The following PDE12 variants were observed in gnomAD, a reference collection of about 807,000 sequenced individuals.
The protein encoded by PDE12 is phosphodiesterase 12, also known as 2',5'-phosphodiesterase 12.
PDE12 carries 26 observed loss-of-function variants against 45.4 expected under a neutral mutation model. The ratio of observed to expected loss-of-function variants is 0.57; its 90% CI spans 0.42 to 0.79. The LOEUF is 0.79. PDE12 is among the 30% of genes least tolerant of loss of function. The probability of loss-of-function intolerance (pLI) is 0.00; values close to 1 mark genes in which losing one functional copy is unlikely to be tolerated. For missense variants in PDE12, 668 were observed against 790.0 expected (o/e 0.85, Z 1.85); for synonymous variants, 283 against 323.9 (o/e 0.87, Z 1.36).
the PDE12 span, among the ~76,000 whole-genome samples, chr3:57,606,628 CAT>C: frequency 6.6e-6 from 1 of 151,878 alleles, no homozygotes; most frequent in South Asian, 2.1e-4. Context: ...ACAAAAATAA[CAT>C]ACTGTGAGAT....
chr3:57,647,881 G>A, the PDE12 span, among the ~76,000 whole-genome samples: 2 of 151,968 alleles, frequency 1.3e-5, no homozygotes, highest in Admixed American at 1.3e-4. Context: ...AATCCAACAA[G>A]AAGAATCAGA....
chr3:57,582,015 T>C, the PDE12 span, among the ~76,000 whole-genome samples: 3 of 152,200 alleles, frequency 2.0e-5, no homozygotes, highest in Non-Finnish European at 4.4e-5. Context: ...CCCTGGAGTA[T>C]ATCGGATTTT....
the PDE12 span, among the ~76,000 whole-genome samples, chr3:57,589,691 CT>C: frequency 6.6e-6 from 1 of 151,300 alleles, no homozygotes; most frequent in African/African-American, 2.4e-5. Flanking sequence ...GCACTCCAGC[CT>C]GGGCAACAAA....
At chr3:57,611,337 T>C in the PDE12 span, among the ~76,000 whole-genome samples, 5 of 152,168 alleles carry the variant, frequency 3.3e-5, no homozygotes, top group Admixed American at 3.3e-4. Context: ...GGACTTCATG[T>C]CTAAAACACC....
the PDE12 span, among the ~76,000 whole-genome samples, chr3:57,617,632 G>T: frequency 2.6e-5 from 4 of 152,038 alleles, no homozygotes; most frequent in African/African-American, 9.7e-5. Flanking sequence ...GGAGGCCGAG[G>T]TGGGAGGATC....
At chr3:57,654,471 G>C in the PDE12 span, among the ~76,000 whole-genome samples, 1 of 152,262 alleles carries the variant, frequency 6.6e-6, no homozygotes, top group Non-Finnish European at 1.5e-5. Context: ...AAAATAACTT[G>C]TTTCTCAAGT....
rs150853169 is a variant in PDE12, at chr3:57,560,338, T to G, written c.*334T>G. 29,663 of 1,047,670 alleles carry G rather than the reference T, an allele frequency of 0.028. 486 individuals are homozygous for G. The highest frequency in any genetic ancestry group is 0.032 in the Middle Eastern group (71 of 2,202). 64.9% of individuals were successfully genotyped at this position (1,047,670 alleles called of 1,614,324 possible). A position where few individuals can be genotyped will look rare whatever the true frequency, so the allele number is the denominator to read the frequency against. Reference sequence around the variant, plus strand: ...GTTTGTTTTTGTTTTTGTTTTTGTTTTTTTGAGATGGAGTTTCACTCTTGT... The same window carrying G: ...GTTTGTTTTTGTTTTTGTTTTTGTTGTTTTGAGATGGAGTTTCACTCTTGT... On this transcript the variant is annotated 3_prime_UTR_variant, in exon 3 of 3. Coordinates refer to ENST00000311180, the MANE Select transcript of PDE12 (RefSeq NM_177966.7).
downstream of PDE12, chr3:57,571,791 G>C (rs1449487885): frequency 6.0e-6 from 1 of 165,576 alleles, no homozygotes; most frequent in African/African-American, 2.4e-5. Context: ...TTTTGGCAAG[G>C]GAGAGAAATA....
chr3:57,592,226 T>G, the PDE12 span, among the ~76,000 whole-genome samples: 1 of 152,124 alleles, frequency 6.6e-6, no homozygotes, highest in Non-Finnish European at 1.5e-5. Context: ...CGGTGACTCA[T>G]GCCTGTAATC....
the PDE12 span, among the ~76,000 whole-genome samples, chr3:57,618,187 G>A: frequency 1.3e-5 from 2 of 152,158 alleles, no homozygotes; most frequent in African/African-American, 2.4e-5. Flanking sequence ...AAGGTACTAT[G>A]TCCACTACTT....
the PDE12 span, among the ~76,000 whole-genome samples, chr3:57,593,674 C>A: frequency 1.2e-4 from 18 of 152,280 alleles, no homozygotes; most frequent in East Asian, 3.3e-3. Context: ...TGGATATATA[C>A]ATAATTTAAG....
the PDE12 span, among the ~76,000 whole-genome samples, chr3:57,581,772 A>T: frequency 6.6e-6 from 1 of 152,172 alleles, no homozygotes; most frequent in Non-Finnish European, 1.5e-5. Context: ...AGCCTGGGTG[A>T]CAGGACGAGA....
chr3:57,619,236 T>C, the PDE12 span, among the ~76,000 whole-genome samples: 1 of 151,896 alleles, frequency 6.6e-6, no homozygotes, highest in Non-Finnish European at 1.5e-5. Context: ...TAGTCCCAGC[T>C]ACTCGGGAGG....
chr3:57,646,275 T>C, the PDE12 span: 3 of 1,576,388 alleles, frequency 1.9e-6, no homozygotes, highest in South Asian at 3.5e-5. Flanking sequence ...TACTGCAGCA[T>C]CCAAAAAAAA....
the PDE12 span, among the ~76,000 whole-genome samples, chr3:57,651,814 G>A: frequency 1.3e-5 from 2 of 152,036 alleles, no homozygotes; most frequent in Admixed American, 6.6e-5. Context: ...GGCTAAACTG[G>A]GACAATTTGA....
chr3:57,645,844 A>G, the PDE12 span: 1 of 879,430 alleles, frequency 1.1e-6, no homozygotes, highest in Non-Finnish European at 1.8e-6. Flanking sequence ...CAAACGGTAT[A>G]CACACAAAGG....
the PDE12 span, among the ~76,000 whole-genome samples, chr3:57,577,922 G>A: frequency 6.6e-6 from 1 of 152,022 alleles, no homozygotes; most frequent in Non-Finnish European, 1.5e-5. Context: ...AGGTGTGGTG[G>A]TGCATGCCTT....
chr3:57,620,516 A>G, the PDE12 span, among the ~76,000 whole-genome samples: 1 of 152,196 alleles, frequency 6.6e-6, no homozygotes, highest in Non-Finnish European at 1.5e-5. Context: ...GGTCATCCAG[A>G]TTGGAAAGAA....
chr3:57,606,422 A>C, the PDE12 span, among the ~76,000 whole-genome samples: 1 of 152,316 alleles, frequency 6.6e-6, no homozygotes, highest in African/African-American at 2.4e-5. Context: ...AGATGCTTTC[A>C]GACATGCAAA....
Sources: allele counts gnomAD v4.1 joint callset (sites outside exome capture counted in the v4.1 genomes callset), GRCh38; gene constraint gnomAD v4.1.1; transcripts MANE v1.5; gene names NCBI Gene and HGNC (gene_info 2026-07-23, HGNC 2026-07-21).